EXOC3: variants seen among roughly 807,000 people sequenced by gnomAD.
EXOC3 encodes the protein exocyst complex component 3, also known as SEC6-like 1.
In EXOC3, 21 loss-of-function variants were observed where a neutral mutation model predicts 73.7. The ratio of observed to expected loss-of-function variants is 0.29; its 90% CI spans 0.20 to 0.41. The LOEUF (loss-of-function observed/expected upper bound fraction) is 0.41, where lower values mean the gene tolerates loss of function less well. EXOC3 is among the 10% of genes least tolerant of loss of function. The probability of loss-of-function intolerance (pLI) is 1.00; values close to 1 mark genes in which losing one functional copy is unlikely to be tolerated. For synonymous variants in EXOC3, 410 were observed against 389.1 expected, an observed-to-expected ratio of 1.05 and a Z score of -0.63; for missense variants, 842 against 985.1, an observed-to-expected ratio of 0.85 and a Z score of 1.95.
chr5:462,960 C>T (rs1738033368), intron 9 of EXOC3, among the ~76,000 whole-genome samples: 1 of 152,210 alleles, frequency 6.6e-6, no homozygotes, highest in South Asian at 2.1e-4. Flanking sequence ...ACAAAATTAC[C>T]TGGGTGTGGT....
intron 9 of EXOC3, 131 bp downstream of exon 9, chr5:462,438 C>A: frequency 9.8e-7 from 1 of 1,024,980 alleles, no homozygotes; most frequent in Non-Finnish European, 1.5e-6. Flanking sequence ...CACTTGCATT[C>A]CGGTCAGATC....
chr5:446,196 CT>C lies in EXOC3; in HGVS notation c.-5del, dbSNP rs772287690. 1.2e-6 allele frequency: 2 copies of C among 1,613,950 alleles called. No individual in the cohort carries two copies. The highest frequency in any genetic ancestry group is 1.7e-6 in the Non-Finnish European group (2 of 1,179,852). On this transcript the variant is annotated 5_prime_UTR_variant, in exon 2 of 13. Coordinates refer to ENST00000512944, the MANE Select transcript of EXOC3 (RefSeq NM_007277.5). ...ATGAACAGTGTGAGGATTCCACCAG[CT>C]TTTTCACCATGAAGGAGACAGACCG... is the stretch of plus-strand genomic sequence containing the variant.
At chr5:452,458 T>G (rs578255782) in intron 3 of EXOC3, among the ~76,000 whole-genome samples, 73 of 144,906 alleles carry the variant, frequency 5.0e-4, no homozygotes, top group African/African-American at 1.9e-3. Context: ...TTAAGTTCCT[T>G]AGGCATCTTT....
At chr5:455,424 C>T (rs1261464776) in intron 4 of EXOC3, among the ~76,000 whole-genome samples, 1 of 152,244 alleles carries the variant, frequency 6.6e-6, no homozygotes, top group Non-Finnish European at 1.5e-5. Flanking sequence ...AACATTCTCA[C>T]ACGGAATTGA....
At chr5:443,566 G>A (rs1737407795) in intron 1 of EXOC3, among the ~76,000 whole-genome samples, 7 of 151,966 alleles carry the variant, frequency 4.6e-5, no homozygotes, top group Admixed American at 4.6e-4. Context: ...TCCTGGTGCA[G>A]GTGTCCCCTT....
In EXOC3 at chr5:462,310, G is replaced by A. The variant is rs751305470; in HGVS notation, c.1653+3G>A. 1.2e-6 allele frequency: 2 copies of A among 1,613,854 alleles called. No homozygotes were observed. Among genetic ancestry groups the A allele is most frequent in the Middle Eastern group, 1.6e-4 (1 of 6,062 alleles). Reference sequence around the variant, plus strand: ...AGGAGGTCTTCCTGGACCTGGAGGTGGGCCTGGCTCTTTCCTCCTGCCGTT... The same window carrying A: ...AGGAGGTCTTCCTGGACCTGGAGGTAGGCCTGGCTCTTTCCTCCTGCCGTT... On this transcript the variant is annotated splice_donor_region_variant and intron_variant, in intron 9 of 12. Transcript: ENST00000512944.
intron 11 of EXOC3, 21 bp from the exon 12 acceptor site, chr5:465,697 C>T: frequency 1.2e-6 from 2 of 1,613,524 alleles, no homozygotes; most frequent in Non-Finnish European, 1.7e-6. Context: ...GGCGGCTCCT[C>T]ACATTGCTGC....
Position 454,064 on chromosome 5 carries a change from T to C in EXOC3, c.1046+13T>C, listed in dbSNP as rs1352281374. The C allele has an allele frequency of 2.0e-5, 32 of 1,573,842 alleles. No individual in the cohort carries two copies. Among genetic ancestry groups the C allele is most frequent in the Non-Finnish European group, 2.5e-5 (29 of 1,160,190 alleles). ...ACACCTACACAAGGTAAAGCTAACC[T>C]GGCGCCTGTGTTGGCTCTTAGGTAG... On this transcript the variant is annotated intron_variant, in intron 4 of 12. Transcript: ENST00000512944.
At position 456,853 on chromosome 5, in the gene EXOC3, C is replaced by T. The variant is rs781023360; in HGVS notation, c.1047-36C>T. The T allele has an allele frequency of 1.4e-5, 21 of 1,484,466 alleles. No individual in the cohort carries two copies. In the East Asian group the frequency reaches 2.7e-4, roughly 19 times the overall value. The allele number at this position is 1,484,466 out of a possible 1,614,324, so 92.0% of individuals were successfully genotyped here. A position where few individuals can be genotyped will look rare whatever the true frequency, so the allele number is the denominator to read the frequency against. ...CTTGGGCATGCTCTTCTGTGTCTGT[C>T]GTGGTTTGTCACTCACATTCCTGGT... On this transcript the variant is annotated intron_variant, in intron 4 of 12. Transcript: ENST00000512944.
At position 447,405 on chromosome 5, in the gene EXOC3, G is replaced by A. The variant is rs550959454; in HGVS notation, c.145-128G>A. ...CTTGTTGATTTTATTTTCTTTTCTGGGTATTGACTGTTTCCTGCTACTCAG... is the reference window on the plus strand; with the variant it reads ...CTTGTTGATTTTATTTTCTTTTCTGAGTATTGACTGTTTCCTGCTACTCAG... On this transcript the variant is annotated intron_variant, in intron 2 of 12. Coordinates refer to ENST00000512944, the MANE Select transcript of EXOC3 (RefSeq NM_007277.5). 11 of 609,400 alleles carry A rather than the reference G, an allele frequency of 1.8e-5. No homozygotes were observed. The South Asian group carries it at 1.9e-4, about 11-fold the overall frequency. 37.7% of individuals were successfully genotyped at this position (609,400 alleles called of 1,614,324 possible). A position where few individuals can be genotyped will look rare whatever the true frequency, so the allele number is the denominator to read the frequency against.
intron 4 of EXOC3, among the ~76,000 whole-genome samples, chr5:455,946 G>A (rs1737797587): frequency 6.6e-6 from 1 of 152,240 alleles, no homozygotes. Flanking sequence ...AATGTAGCAT[G>A]TGTTTCCTGT....
chr5:444,409 G>A (rs1213573837), intron 1 of EXOC3, among the ~76,000 whole-genome samples: 1 of 152,324 alleles, frequency 6.6e-6, no homozygotes, highest in East Asian at 1.9e-4. Flanking sequence ...CACCCACAGC[G>A]TGACAGACTT....
In EXOC3 at chr5:448,099, T is replaced by G. The variant is rs1579732893; in HGVS notation, c.364+347T>G. Among the ~76,000 whole-genome samples the G allele has an allele frequency of 2.0e-5, 3 of 152,102 alleles. No individual in the cohort carries two copies. The East Asian group carries it at 5.8e-4, about 29-fold the overall frequency. ...GAATGAAGACGCCGTGGCCCATGCT[T>G]AAAAGGAGCTGCAGGAGAAGCCACC... On this transcript the variant is annotated intron_variant, in intron 3 of 12. Transcript: ENST00000512944.
At chr5:454,630 C>T (rs1039702456) in intron 4 of EXOC3, among the ~76,000 whole-genome samples, 1 of 152,230 alleles carries the variant, frequency 6.6e-6, no homozygotes, top group African/African-American at 2.4e-5. Context: ...TGTCACTTCA[C>T]TTAAGGGACC....
At chr5:455,591 C>G (rs1324865129) in intron 4 of EXOC3, among the ~76,000 whole-genome samples, 1 of 134,454 alleles carries the variant, frequency 7.4e-6, no homozygotes, top group Non-Finnish European at 1.6e-5. Flanking sequence ...ATTTACGGAA[C>G]ATAGCATGAG....
At position 466,488 on chromosome 5, in the gene EXOC3, C is replaced by T. The variant is rs918003926; in HGVS notation, c.2067-239C>T. 8.2e-5 allele frequency: 43 copies of T among 526,120 alleles called. No homozygotes were observed. In the East Asian group the frequency reaches 9.5e-4, roughly 12 times the overall value. The allele number at this position is 526,120 out of a possible 1,614,324, so 32.6% of individuals were successfully genotyped here. A position where few individuals can be genotyped will look rare whatever the true frequency, so the allele number is the denominator to read the frequency against. ...TCCACGGTCTCCCCTCTGGTTGGGC[C>T]GGAACAAAGATTTATAAAAGCAGTG... On this transcript the variant is annotated intron_variant, in intron 12 of 12. Transcript: ENST00000512944.
intron 12 of EXOC3, 102 bp from the exon 13 acceptor site, chr5:466,625 C>A (rs890846406): frequency 5.0e-6 from 6 of 1,203,150 alleles, no homozygotes; most frequent in East Asian, 2.5e-5. Context: ...GTCCTCACCC[C>A]CTGTGTTCTG....
At chr5:450,944 A>G (rs1056889997) in intron 3 of EXOC3, among the ~76,000 whole-genome samples, 1 of 152,156 alleles carries the variant, frequency 6.6e-6, no homozygotes, top group African/African-American at 2.4e-5. Context: ...TGGTGAACAC[A>G]TAGAGTTGAA....
chr5:444,836 C>G (rs1475359190), intron 1 of EXOC3: 2 of 152,108 alleles, frequency 1.3e-5, no homozygotes, highest in African/African-American at 4.8e-5. Context: ...GAAGTTGCCC[C>G]TGGGTAGCAA....
Sources: allele counts gnomAD v4.1 joint callset (sites outside exome capture counted in the v4.1 genomes callset), GRCh38; gene constraint gnomAD v4.1.1; transcripts MANE v1.5; gene names NCBI Gene and HGNC (gene_info 2026-07-23, HGNC 2026-07-21).